Variants in FAT1 observed in about 807,000 individuals in gnomAD.
FAT1 encodes the protein FAT atypical cadherin 1.
FAT1 carries 171 observed loss-of-function variants against 329.8 expected under a neutral mutation model. That is an observed-to-expected ratio of 0.52 (90% CI 0.46 to 0.59). The LOEUF (loss-of-function observed/expected upper bound fraction) is 0.59, where lower values mean the gene tolerates loss of function less well. FAT1 is among the 20% of genes least tolerant of loss of function. FAT1 has a pLI of 0.00. For synonymous variants in FAT1, 2,233 were observed against 2,228.6 expected (o/e 1.00, Z -0.06); for missense variants, 5,672 against 5,774.4 (o/e 0.98, Z 0.57).
At chr4:186,610,692 AATTTATATAAATATAAATTTATAT>A (rs1192847244) in intron 14 of FAT1, among the ~76,000 whole-genome samples, 10 of 65,236 alleles carry the variant, frequency 1.5e-4, no homozygotes, top group African/African-American at 8.4e-4. Context: ...TAAATTATAT[AATTTATATAAATATAAATTTATAT>A]AATTTATATA....
In FAT1 at chr4:186,707,286, C is replaced by T. The variant is rs890035208; in HGVS notation, c.2542G>A (p.Asp848Asn). ...HSEIIQVEAT[D>N]KDLGPNGHVT... Reference sequence around the variant, plus strand: ...TGTCCGTTGGGCCCCAGGTCTTTATCTGTGGCTTCAACCTGGATGATTTCA... The same window carrying T: ...TGTCCGTTGGGCCCCAGGTCTTTATTTGTGGCTTCAACCTGGATGATTTCA... Residue 848 changes from aspartate to asparagine, a missense_variant, in exon 2 of 27, where the codon GAT becomes AAT. Asp to Asn is a conservative substitution (Grantham distance 23, BLOSUM62 1). Around this residue, in one of 2 missense-constraint regions of FAT1, gnomAD observed 3,966 missense variants for 3,915.2 expected, o/e 1.01. Transcript: ENST00000441802. The T allele has an allele frequency of 6.2e-7, 1 of 1,614,006 alleles. No homozygotes were observed. Among genetic ancestry groups the T allele is most frequent in the Non-Finnish European group, 8.5e-7 (1 of 1,179,892 alleles).
chr4:186,636,613 G>A lies in FAT1; in HGVS notation c.3944C>T (p.Ser1315Leu), dbSNP rs1465143600. 1.2e-6 allele frequency: 2 copies of A among 1,612,622 alleles called. No homozygotes were observed. The highest frequency in any genetic ancestry group is 2.2e-5 in the South Asian group (2 of 90,930). ...KTGVVSSKRF[S>L]AAGEYDILSI... ...AAGAATATCATATTCTCCAGCTGCT[G>A]AAAACCTCTTGGACGAAACCACTCC... Residue 1315 changes from serine to leucine, a missense_variant, in exon 5 of 27, where the codon TCA becomes TTA. Physicochemically the swap from Ser to Leu is moderately radical, Grantham distance 145. Around this residue, in one of 2 missense-constraint regions of FAT1, gnomAD observed 3,966 missense variants for 3,915.2 expected, o/e 1.01. Coordinates refer to ENST00000441802, the MANE Select transcript of FAT1 (RefSeq NM_005245.4).
chr4:186,621,831 A>G (rs1740065911), intron 9 of FAT1, 56 bp from the exon 10 acceptor site: 1 of 1,095,782 alleles, frequency 9.1e-7, no homozygotes, highest in Admixed American at 3.1e-5. Flanking sequence ...CAGTAGTAGT[A>G]GTAGTTAGAG....
At chr4:186,655,440 ATT>A (rs11318097) in intron 3 of FAT1, among the ~76,000 whole-genome samples, 85 of 146,662 alleles carry the variant, frequency 5.8e-4, no homozygotes, top group Admixed American at 8.1e-4. Flanking sequence ...CAATAAGGTG[ATT>A]TTTTTTTTTT....
In FAT1 at chr4:186,618,453, T is replaced by C. The variant is rs199641987; in HGVS notation, c.8133A>G (p.Thr2711=). 7 of 1,614,060 alleles carry C rather than the reference T, an allele frequency of 4.3e-6. No individual in the cohort carries two copies. The highest frequency in any genetic ancestry group is 5.9e-6 in the Non-Finnish European group (7 of 1,179,910). Residue 2711 remains threonine, a synonymous_variant, in exon 10 of 27, where the codon ACA becomes ACG. Transcript: ENST00000441802. ...PKFSEPFYTF[T]VSEDVPIGTE... ...TTCCAATAGGCACGTCCTCTGACAC[T>C]GTAAAGGTATAGAAAGGTTCTGAAA...
At chr4:186,685,102 T>C (rs1188485925) in intron 2 of FAT1, among the ~76,000 whole-genome samples, 2 of 152,186 alleles carry the variant, frequency 1.3e-5, no homozygotes, top group East Asian at 1.9e-4. Flanking sequence ...TCCTGCCTTA[T>C]CTGGCGTTAC....
intron 26 of FAT1, among the ~76,000 whole-genome samples, chr4:186,589,588 G>A (rs1253242253): frequency 6.6e-6 from 1 of 152,104 alleles, no homozygotes; most frequent in Non-Finnish European, 1.5e-5. Context: ...TGCTCTGTAG[G>A]AAGAAGAGTA....
rs2126460232 is a variant in FAT1, at chr4:186,609,935, T to A, written c.9934A>T (p.Thr3312Ser). 1 of 1,613,244 alleles carries A rather than the reference T, an allele frequency of 6.2e-7. No individual in the cohort carries two copies. Among genetic ancestry groups the A allele is most frequent in the Non-Finnish European group, 8.5e-7 (1 of 1,179,218 alleles). Residue 3312 changes from threonine to serine, a missense_variant, in exon 15 of 27, where the codon ACG becomes TCG. Thr to Ser is a moderately conservative substitution (Grantham distance 58). Around this residue, in one of 2 missense-constraint regions of FAT1, gnomAD observed 1,706 missense variants for 1,859.1 expected, o/e 0.92. Transcript: ENST00000441802. ...GTGGCAACGTCGCTCAGTGAAGGCG[T>A]GCCTCCATCAGTGGCCTCTACTGTT... ...YLTVEATDGG[T>S]PSLSDVATVN... is the part of the protein sequence containing the mutation.
rs769920350 is a variant in FAT1 at position 186,708,002 on chromosome 4, C to A, written c.1826G>T (p.Gly609Val). ...LQLVQYQIEAGNELDFFSLNP... is the reference protein window; with the variant it reads ...LQLVQYQIEAVNELDFFSLNP... ...TAAACTAAAGAAATCCAGTTCATTTCCAGCTTCAATCTGATACTGTACCAA... is the reference window on the plus strand; with the variant it reads ...TAAACTAAAGAAATCCAGTTCATTTACAGCTTCAATCTGATACTGTACCAA... The change falls in exon 2 of 27, where the codon GGA becomes GTA. Residue 609 changes from glycine to valine, a missense_variant. Gly to Val is a moderately radical substitution (Grantham distance 109). This residue lies in a region of FAT1 where 3,966 missense variants were observed against 3,915.2 expected (regional missense o/e 1.01). Coordinates refer to ENST00000441802, the MANE Select transcript of FAT1 (RefSeq NM_005245.4). The A allele has an allele frequency of 6.2e-7, 1 of 1,613,788 alleles. No individual in the cohort carries two copies. The highest frequency in any genetic ancestry group is 1.3e-5 in the African/African-American group (1 of 74,918).
chr4:186,599,380 AG>A (rs1343352347), intron 22 of FAT1, among the ~76,000 whole-genome samples: 10 of 152,174 alleles, frequency 6.6e-5, no homozygotes, highest in Non-Finnish European at 2.9e-5. Context: ...ACAGGAGTCC[AG>A]GGTGCAAAAG....
At chr4:186,654,707 G>A (rs758182347) in intron 3 of FAT1, among the ~76,000 whole-genome samples, 3 of 152,034 alleles carry the variant, frequency 2.0e-5, no homozygotes, top group Non-Finnish European at 4.4e-5. Context: ...ATCAGAAGTT[G>A]GAGACCAGCC....
chr4:186,720,978 A>T (rs2126723656), intron 1 of FAT1, among the ~76,000 whole-genome samples: 1 of 152,348 alleles, frequency 6.6e-6, no homozygotes, highest in East Asian at 1.9e-4. Flanking sequence ...CATTTCCAAT[A>T]GCTCAGAAAG....
chr4:186,666,481 A>C (rs77302439), intron 2 of FAT1, among the ~76,000 whole-genome samples: 3,044 of 152,302 alleles, frequency 0.02, 112 homozygotes, highest in African/African-American at 0.07. Context: ...CATTAACAAA[A>C]TGTACACAAC....
chr4:186,592,883 C>T (rs1010953264), intron 26 of FAT1: 8 of 397,668 alleles, frequency 2.0e-5, no homozygotes, highest in African/African-American at 1.6e-4. Context: ...AATACAACCA[C>T]ATAATGATGC....
chr4:186,691,076 GA>G (rs1208155968), intron 2 of FAT1, among the ~76,000 whole-genome samples: 16 of 152,080 alleles, frequency 1.1e-4, no homozygotes, highest in African/African-American at 3.9e-4. Flanking sequence ...AAAAAATAAC[GA>G]GTAACGGTAA....
Position 186,689,728 on chromosome 4 carries a change from T to A in FAT1, c.3265+16835A>T, listed in dbSNP as rs75971072. Among the ~76,000 whole-genome samples, 545 of 152,304 alleles carry A rather than the reference T, an allele frequency of 3.6e-3. 1 individual carries two copies. Among genetic ancestry groups the A allele is most frequent in the African/African-American group, 0.012 (507 of 41,572 alleles). On this transcript the variant is annotated intron_variant, in intron 2 of 26. Coordinates refer to ENST00000441802, the MANE Select transcript of FAT1 (RefSeq NM_005245.4). ...CTGGCACCCACCCACACCAGGCTAA[T>A]TCAACAGGCAGAACTACTTAACTCT...
chr4:186,604,847 A>T (rs973827780), intron 17 of FAT1, among the ~76,000 whole-genome samples: 1 of 151,622 alleles, frequency 6.6e-6, no homozygotes, highest in Non-Finnish European at 1.5e-5. Flanking sequence ...GGGGAAGCAG[A>T]CACGAGGAGG....
intron 7 of FAT1, among the ~76,000 whole-genome samples, chr4:186,632,337 T>TA (rs768462746): frequency 3.1e-4 from 47 of 152,216 alleles, no homozygotes; most frequent in Non-Finnish European, 5.6e-4. Flanking sequence ...CTCCTTTTGT[T>TA]AGATTTCTGG....
chr4:186,611,677 C>T lies in FAT1; in HGVS notation c.9562G>A (p.Asp3188Asn), dbSNP rs1356019224. The change falls in exon 14 of 27, where the codon GAC becomes AAC. Residue 3188 changes from aspartate to asparagine, a missense_variant. This residue lies in a region of FAT1 where 1,706 missense variants were observed against 1,859.1 expected (regional missense o/e 0.92). Coordinates refer to ENST00000441802, the MANE Select transcript of FAT1 (RefSeq NM_005245.4). ...GTGTATACTGCCTGGAGTTCTCTGTCCAAAGGTTTTTCTAACTGAATAATT... is the reference window on the plus strand; with the variant it reads ...GTGTATACTGCCTGGAGTTCTCTGTTCAAAGGTTTTTCTAACTGAATAATT... The part of the protein sequence containing the change: ...SGIIQLEKPL[D>N]RELQAVYTLS... The T allele has an allele frequency of 6.2e-7, 1 of 1,609,780 alleles. No homozygotes were observed. Among genetic ancestry groups the T allele is most frequent in the East Asian group, 2.2e-5 (1 of 44,826 alleles).
Sources: gnomAD v4.1 joint callset for allele counts (sites outside exome capture counted in the v4.1 genomes callset) on GRCh38, gnomAD v4.1.1 for gene constraint, gnomAD v4.1.1 regional missense constraint, MANE v1.5 for transcripts, NCBI Gene and HGNC (gene_info 2026-07-23, HGNC 2026-07-21) for gene names.